The following PCDHA3 variants were observed in gnomAD, a reference collection of about 807,000 sequenced individuals.
PCDHA3 encodes the protein protocadherin alpha 3, also known as protocadherin alpha-3.
A neutral mutation model predicts 62.2 loss-of-function variants in PCDHA3; 41 were observed. The ratio of observed to expected loss-of-function variants is 0.66; its 90% CI spans 0.51 to 0.86. PCDHA3 has a LOEUF of 0.86. PCDHA3 is among the 40% of genes least tolerant of loss of function. PCDHA3 has a pLI of 0.00. For synonymous variants in PCDHA3, 640 were observed against 555.4 expected (o/e 1.15, Z -2.14); for missense variants, 1,304 against 1,241.2 (o/e 1.05, Z -0.76).
chr5:140,932,608 T>C (rs573580763), intron 1 of PCDHA3, among the ~76,000 whole-genome samples: 1 of 151,996 alleles, frequency 6.6e-6, no homozygotes, highest in African/African-American at 2.4e-5. Flanking sequence ...TATTTTGACT[T>C]TGAAGCTGAT....
At chr5:140,807,998 G>T (rs782760377) in intron 1 of PCDHA3, 2 of 1,613,588 alleles carry the variant, frequency 1.2e-6, no homozygotes, top group East Asian at 2.2e-5. Flanking sequence ...AGATTTAGAC[G>T]AAGGATTGAA....
At chr5:140,927,108 C>T (rs782811125) in intron 1 of PCDHA3, 6 of 1,613,528 alleles carry the variant, frequency 3.7e-6, no homozygotes, top group African/African-American at 1.3e-5. Context: ...ATCTACCCAG[C>T]GGCAATTTGG....
intron 1 of PCDHA3, chr5:140,823,947 G>A: frequency 6.2e-7 from 1 of 1,613,980 alleles, no homozygotes; most frequent in South Asian, 1.1e-5. Flanking sequence ...GGTGCTCGGC[G>A]CAGCCCACCG....
In PCDHA3 at chr5:141,010,190, C is replaced by T. The variant is rs868983471; in HGVS notation, c.*253C>T. On this transcript the variant is annotated 3_prime_UTR_variant, in exon 4 of 4. Coordinates refer to ENST00000522353, the MANE Select transcript of PCDHA3 (RefSeq NM_018906.3). ...GAACCTAAAAAGCAGACCCAAGTTT[C>T]CTTTCTCCTCCGCCGCAAAGGAGAG... The T allele has an allele frequency of 6.4e-7, 1 of 1,552,504 alleles. No homozygotes were observed. Among genetic ancestry groups the T allele is most frequent in the Non-Finnish European group, 8.7e-7 (1 of 1,147,234 alleles).
In PCDHA3 at chr5:140,807,726, T is replaced by C. The variant is rs533049370; in HGVS notation, c.2394+4135T>C. The C allele has an allele frequency of 5.8e-5, 93 of 1,614,072 alleles. No homozygotes were observed. Among genetic ancestry groups the C allele is most frequent in the Non-Finnish European group, 7.7e-5 (91 of 1,180,052 alleles). On this transcript the variant is annotated intron_variant, in intron 1 of 3. Coordinates refer to ENST00000522353, the MANE Select transcript of PCDHA3 (RefSeq NM_018906.3). ...CTGAGCCCAAATGAATACTTTTCTC[T>C]GGAAAAACCACCTGATGACGAGCTG...
intron 1 of PCDHA3, chr5:140,868,976 T>C: frequency 6.7e-7 from 1 of 1,481,558 alleles, no homozygotes; most frequent in Non-Finnish European, 9.0e-7. Context: ...AACTCCATCA[T>C]ACCGGATGCC....
chr5:140,915,458 G>T (rs1172885235), intron 1 of PCDHA3, among the ~76,000 whole-genome samples: 11 of 152,126 alleles, frequency 7.2e-5, no homozygotes, highest in African/African-American at 2.2e-4. Flanking sequence ...TTTCCAGAAG[G>T]TTTTTATTTG....
intron 1 of PCDHA3, chr5:140,822,990 G>C (rs2150121071): frequency 1.2e-6 from 2 of 1,614,184 alleles, no homozygotes; most frequent in Admixed American, 1.7e-5. Context: ...ATTACTACTC[G>C]TTGGTGCTGG....
intron 1 of PCDHA3, chr5:140,809,716 AT>A (rs1764530586): frequency 1.1e-6 from 1 of 933,822 alleles, no homozygotes; most frequent in Non-Finnish European, 1.6e-6. Context: ...GTCTTTTGGA[AT>A]TATAGGACAT....
chr5:140,888,819 G>A (rs2061994549), intron 1 of PCDHA3, among the ~76,000 whole-genome samples: 1 of 151,908 alleles, frequency 6.6e-6, no homozygotes, highest in African/African-American at 2.4e-5. Context: ...TGTGATCTGT[G>A]ATCACATCAC....
At chr5:140,893,391 G>T (rs1481818388) in intron 1 of PCDHA3, among the ~76,000 whole-genome samples, 1 of 152,158 alleles carries the variant, frequency 6.6e-6, no homozygotes, top group Non-Finnish European at 1.5e-5. Context: ...AGTGGCTCAT[G>T]CCTGTAATCC....
intron 1 of PCDHA3, chr5:140,855,950 C>A: frequency 7.3e-7 from 1 of 1,363,922 alleles, no homozygotes; most frequent in Non-Finnish European, 1.0e-6. Flanking sequence ...TCAGCCATTT[C>A]GATAAAAAAT....
chr5:140,902,818 T>G (rs1554190664), intron 1 of PCDHA3, among the ~76,000 whole-genome samples: 1 of 152,062 alleles, frequency 6.6e-6, no homozygotes, highest in Non-Finnish European at 1.5e-5. Flanking sequence ...CAATATTTGG[T>G]TTTCGATTTC....
intron 1 of PCDHA3, chr5:140,869,391 C>T: frequency 6.2e-7 from 1 of 1,614,138 alleles, no homozygotes; most frequent in Non-Finnish European, 8.5e-7. Flanking sequence ...AGGAGCTGTG[C>T]GGGCAGAGCG....
At chr5:140,823,777 C>G in intron 1 of PCDHA3, 1 of 1,613,860 alleles carries the variant, frequency 6.2e-7, no homozygotes, top group African/African-American at 1.3e-5. Context: ...GCTGGTGTCG[C>G]TGGTGGAAAG....
intron 1 of PCDHA3, among the ~76,000 whole-genome samples, chr5:140,895,520 A>G (rs1053295495): frequency 6.6e-6 from 1 of 152,116 alleles, no homozygotes; most frequent in South Asian, 2.1e-4. Context: ...TAATTGGTTT[A>G]TTCGTTTTTC....
intron 1 of PCDHA3, among the ~76,000 whole-genome samples, chr5:140,923,931 A>T (rs1216808903): frequency 2.6e-5 from 4 of 152,118 alleles, no homozygotes; most frequent in Non-Finnish European, 4.4e-5. Flanking sequence ...CTCTGTATGC[A>T]TTTTTCCTTT....
In PCDHA3 at chr5:140,827,543, G is replaced by A. The variant is rs2150148140; in HGVS notation, c.2394+23952G>A. The stretch of plus-strand genomic sequence containing the variant: ...TTCAACCAAAATTTGATAATTTTAA[G>A]TTACATTTTTTCCCTAGAGCACTAT... On this transcript the variant is annotated intron_variant, in intron 1 of 3. Coordinates refer to ENST00000522353, the MANE Select transcript of PCDHA3 (RefSeq NM_018906.3). 6.6e-5 allele frequency among the ~76,000 whole-genome samples: 9 copies of A among 136,154 alleles called. No homozygotes were observed. The South Asian group carries it at 1.9e-3, about 28-fold the overall frequency. The allele number at this position is 136,154 out of a possible 152,430, so 89.3% of individuals were successfully genotyped here.
intron 1 of PCDHA3, chr5:140,850,192 T>A (rs2150472322): frequency 6.3e-7 from 1 of 1,593,512 alleles, no homozygotes. Flanking sequence ...CCGGCGCTGC[T>A]GACACCTCGG....
Sources: gnomAD v4.1 joint callset for allele counts (sites outside exome capture counted in the v4.1 genomes callset) on GRCh38, gnomAD v4.1.1 for gene constraint, MANE v1.5 for transcripts, NCBI Gene and HGNC (gene_info 2026-07-23, HGNC 2026-07-21) for gene names.